The following MTUS1 variants were observed in gnomAD, a reference collection of about 807,000 sequenced individuals.
MTUS1 encodes the protein microtubule associated scaffold protein 1.
A neutral mutation model predicts 120.8 loss-of-function variants in MTUS1; 109 were observed. The observed-to-expected ratio is 0.90, with a 90% confidence interval of 0.77 to 1.06. The LOEUF is 1.06. Ranked by LOEUF, MTUS1 falls within the 50% of genes least tolerant of loss-of-function variation. MTUS1 has a pLI of 0.00. For missense variants in MTUS1, 2,210 were observed against 1,486.3 expected (o/e 1.49, Z -8.01); for synonymous variants, 737 against 550.5 (o/e 1.34, Z -4.74).
chr8:17,663,217 T>A (rs764731114), intron 8 of MTUS1, among the ~76,000 whole-genome samples: 1 of 152,186 alleles, frequency 6.6e-6, no homozygotes, highest in African/African-American at 2.4e-5. Context: ...CCTGCAGAAC[T>A]GGAGTGGAGC....
At chr8:17,710,152 G>T (rs1311938543) in intron 6 of MTUS1, among the ~76,000 whole-genome samples, 2 of 152,200 alleles carry the variant, frequency 1.3e-5, no homozygotes, top group Admixed American at 1.3e-4. Context: ...TTAGGGTAGT[G>T]GTTGCTGAAG....
At chr8:17,765,957 T>C (rs2049453258) in intron 1 of MTUS1, among the ~76,000 whole-genome samples, 1 of 152,234 alleles carries the variant, frequency 6.6e-6, no homozygotes, top group South Asian at 2.1e-4. Flanking sequence ...CTAATTATCA[T>C]TTAAGATATC....
chr8:17,719,534 T>G (rs187521214), intron 4 of MTUS1, among the ~76,000 whole-genome samples: 2 of 152,188 alleles, frequency 1.3e-5, no homozygotes, highest in Non-Finnish European at 2.9e-5. Context: ...TTTTAAATAG[T>G]CCATTCAGAA....
At chr8:17,800,442 A>C (rs1301529066) in intron 1 of MTUS1, among the ~76,000 whole-genome samples, 2 of 152,220 alleles carry the variant, frequency 1.3e-5, no homozygotes, top group Admixed American at 6.5e-5. Context: ...ACGCAGGCTA[A>C]ATGAATTAAC....
At chr8:17,728,790 T>A (rs1339289412) in intron 3 of MTUS1, among the ~76,000 whole-genome samples, 1 of 139,530 alleles carries the variant, frequency 7.2e-6, no homozygotes, top group Admixed American at 7.1e-5. Context: ...GTTGGGGGGG[T>A]CGGGGAGGGT....
chr8:17,758,951 G>A (rs550093239), intron 1 of MTUS1, among the ~76,000 whole-genome samples: 9 of 152,274 alleles, frequency 5.9e-5, no homozygotes, highest in African/African-American at 1.7e-4. Context: ...GCGCGATCTC[G>A]GCTCACTGCA....
In MTUS1 at chr8:17,755,712, T is replaced by C. The variant is rs1214154607; in HGVS notation, c.96A>G (p.Lys32=). The change falls in exon 2 of 15, where the codon AAA becomes AAG. Residue 32 remains lysine (K), a synonymous_variant. Coordinates refer to ENST00000693296, the MANE Select transcript of MTUS1 (RefSeq NM_001363059.2). The stretch of plus-strand genomic sequence containing the variant: ...CTGAAGAGTTTTGTGTAGGTGGTGA[T>C]TTCGGGTTGTATGCATGTGTATTTC... ...KDGNTHAYNP[K]SPPTQNSSAS... The C allele has an allele frequency of 1.2e-6, 2 of 1,614,180 alleles. No individual in the cohort carries two copies. The highest frequency in any genetic ancestry group is 1.7e-5 in the Admixed American group (1 of 60,026).
chr8:17,656,485 G>A (rs985865412), intron 8 of MTUS1, among the ~76,000 whole-genome samples: 3 of 151,222 alleles, frequency 2.0e-5, no homozygotes, highest in Non-Finnish European at 2.9e-5. Context: ...CCAAGATCAC[G>A]CCACTGCACT....
At chr8:17,725,359 A>T (rs1010259628) in intron 3 of MTUS1, among the ~76,000 whole-genome samples, 3 of 152,176 alleles carry the variant, frequency 2.0e-5, no homozygotes, top group African/African-American at 7.2e-5. Context: ...CTGGCATTTG[A>T]AATTACCACA....
At chr8:17,746,242 G>C (rs941242629) in intron 2 of MTUS1, among the ~76,000 whole-genome samples, 2 of 152,082 alleles carry the variant, frequency 1.3e-5, no homozygotes, top group East Asian at 3.9e-4. Context: ...CAATTGCCAC[G>C]TGTACACTGG....
chr8:17,776,742 A>C (rs951914265), intron 1 of MTUS1, among the ~76,000 whole-genome samples: 1 of 151,816 alleles, frequency 6.6e-6, no homozygotes, highest in African/African-American at 2.4e-5. Flanking sequence ...GAAAGCATTC[A>C]ATAAATGTTG....
chr8:17,761,687 A>G (rs1322491487), intron 1 of MTUS1, among the ~76,000 whole-genome samples: 2 of 152,240 alleles, frequency 1.3e-5, no homozygotes, highest in Non-Finnish European at 2.9e-5. Context: ...AAAGTAAAAC[A>G]TAAGAACTGG....
At chr8:17,677,431 G>A (rs1475938269) in intron 7 of MTUS1, among the ~76,000 whole-genome samples, 3 of 152,090 alleles carry the variant, frequency 2.0e-5, no homozygotes, top group African/African-American at 7.2e-5. Context: ...ACTAACAGAA[G>A]GAAGAGATGG....
intron 1 of MTUS1, among the ~76,000 whole-genome samples, chr8:17,756,666 C>A (rs1208812202): frequency 3.8e-5 from 2 of 52,512 alleles, no homozygotes; most frequent in African/African-American, 5.8e-5. Flanking sequence ...ATATGTCAAG[C>A]CCAAACCCCC....
chr8:17,755,799 A>G lies in MTUS1; in HGVS notation c.9T>C (p.Asp3=), dbSNP rs750746860. MT[D]DNSDDKIEDE... The stretch of plus-strand genomic sequence containing the variant: ...CTTCTATTTTATCATCTGAATTATC[A>G]TCAGTCATCCTGAATAGTAACCTTA... The change falls in exon 2 of 15, where the codon GAT becomes GAC. Residue 3 remains aspartate, a synonymous_variant. Coordinates refer to ENST00000693296, the MANE Select transcript of MTUS1 (RefSeq NM_001363059.2). 3.1e-6 allele frequency: 5 copies of G among 1,612,610 alleles called. No individual in the cohort carries two copies. In the South Asian group the frequency reaches 5.5e-5, roughly 18 times the overall value.
chr8:17,771,640 C>T (rs1253644205), intron 1 of MTUS1, among the ~76,000 whole-genome samples: 1 of 152,134 alleles, frequency 6.6e-6, no homozygotes, highest in Non-Finnish European at 1.5e-5. Flanking sequence ...AAATGCATGC[C>T]AAGAAGTCTT....
intron 6 of MTUS1, among the ~76,000 whole-genome samples, chr8:17,709,624 A>G (rs76941132): frequency 0.047 from 7,131 of 152,208 alleles, 198 homozygotes; most frequent in African/African-American, 0.075. Flanking sequence ...AAGGCAAATC[A>G]CAAAAATTGT....
chr8:17,678,661 T>C (rs1014394556), intron 7 of MTUS1, among the ~76,000 whole-genome samples: 1 of 152,024 alleles, frequency 6.6e-6, no homozygotes, highest in African/African-American at 2.4e-5. Flanking sequence ...AATGCATCTA[T>C]GTTTTTTTGT....
intron 13 of MTUS1, among the ~76,000 whole-genome samples, chr8:17,648,460 C>T (rs1292225866): frequency 6.6e-6 from 1 of 152,174 alleles, no homozygotes; most frequent in Non-Finnish European, 1.5e-5. Context: ...GCATATGGAG[C>T]AGTCCTATTA....
Sources: allele counts gnomAD v4.1 joint callset (sites outside exome capture counted in the v4.1 genomes callset), GRCh38; gene constraint gnomAD v4.1.1; transcripts MANE v1.5; gene names NCBI Gene and HGNC (gene_info 2026-07-23, HGNC 2026-07-21).